Variants in IMMP2L observed in about 807,000 individuals in gnomAD.
IMMP2L encodes the protein mitochondrial inner membrane protease subunit 2.
A neutral mutation model predicts 19.3 loss-of-function variants in IMMP2L; 18 were observed. That is an observed-to-expected ratio of 0.93 (90% CI 0.64 to 1.38). The LOEUF (loss-of-function observed/expected upper bound fraction) is 1.38. IMMP2L is among the 40% of genes most tolerant of loss of function. The pLI is 0.00. For missense variants in IMMP2L, 233 were observed against 218.2 expected (o/e 1.07, Z -0.43); for synonymous variants, 76 against 73.0 (o/e 1.04, Z -0.21).
At chr7:110,949,575 A>C (rs1817585513) in intron 4 of IMMP2L, among the ~76,000 whole-genome samples, 1 of 152,076 alleles carries the variant, frequency 6.6e-6, no homozygotes, top group South Asian at 2.1e-4. Flanking sequence ...TTGTACATAA[A>C]CTTTTATTGG....
chr7:110,893,227 C>T (rs192738145), intron 4 of IMMP2L, among the ~76,000 whole-genome samples: 1 of 152,192 alleles, frequency 6.6e-6, no homozygotes, highest in East Asian at 1.9e-4. Context: ...TGCTGACAGA[C>T]ACACAAAACC....
chr7:111,036,708 TAAAA>T (rs1563181872), intron 3 of IMMP2L, among the ~76,000 whole-genome samples: 1 of 152,156 alleles, frequency 6.6e-6, no homozygotes, highest in Non-Finnish European at 1.5e-5. Context: ...ATTACTTGAT[TAAAA>T]AGCTGTTGAA....
chr7:111,065,382 T>C (rs1443230354), intron 3 of IMMP2L, among the ~76,000 whole-genome samples: 1 of 152,142 alleles, frequency 6.6e-6, no homozygotes, highest in African/African-American at 2.4e-5. Context: ...ATTTGAAGAT[T>C]AGGTATGATC....
At chr7:111,437,057 A>G (rs1837248068) in intron 3 of IMMP2L, among the ~76,000 whole-genome samples, 1 of 151,822 alleles carries the variant, frequency 6.6e-6, no homozygotes, top group East Asian at 1.9e-4. Context: ...TGGGGGTTAT[A>G]TTTCAACATG....
chr7:110,790,534 G>A (rs569056853), intron 5 of IMMP2L, among the ~76,000 whole-genome samples: 2 of 151,786 alleles, frequency 1.3e-5, no homozygotes, highest in East Asian at 1.9e-4. Context: ...GGTACCTAAG[G>A]TGGTCAGATA....
At chr7:110,819,630 C>T (rs1802850125) in intron 5 of IMMP2L, among the ~76,000 whole-genome samples, 1 of 151,960 alleles carries the variant, frequency 6.6e-6, no homozygotes, top group South Asian at 2.1e-4. Context: ...TTTCTTAAAC[C>T]ACACAGTATG....
chr7:111,042,992 T>C (rs778501105), intron 3 of IMMP2L, among the ~76,000 whole-genome samples: 15 of 152,030 alleles, frequency 9.9e-5, no homozygotes, highest in Non-Finnish European at 7.4e-5. Flanking sequence ...ATGTCAAAAG[T>C]GGATGGGGCA....
At chr7:111,538,072 C>T (rs1848055917) in intron 1 of IMMP2L, among the ~76,000 whole-genome samples, 1 of 152,082 alleles carries the variant, frequency 6.6e-6, no homozygotes. Context: ...CCTATGTGTT[C>T]CCATAAAACT....
intron 3 of IMMP2L, among the ~76,000 whole-genome samples, chr7:111,036,689 T>A (rs1791390540): frequency 6.6e-6 from 1 of 152,178 alleles, no homozygotes. Flanking sequence ...CATCTCTTTT[T>A]AAAATACTAT....
At chr7:111,298,364 T>C (rs1563027199) in intron 3 of IMMP2L, among the ~76,000 whole-genome samples, 1 of 152,192 alleles carries the variant, frequency 6.6e-6, no homozygotes, top group Non-Finnish European at 1.5e-5. Flanking sequence ...CACAGGGTTC[T>C]TGGGAGGATC....
chr7:110,887,387 C>T (rs1810330342), intron 4 of IMMP2L, among the ~76,000 whole-genome samples: 1 of 150,906 alleles, frequency 6.6e-6, no homozygotes, highest in African/African-American at 2.5e-5. Context: ...CTATCTCACG[C>T]AGTTTTTGTA....
chr7:110,826,933 T>C (rs1162377981), intron 5 of IMMP2L, among the ~76,000 whole-genome samples: 1 of 152,088 alleles, frequency 6.6e-6, no homozygotes, highest in Non-Finnish European at 1.5e-5. Context: ...CTGGTATGTA[T>C]TTTTTCTCAT....
At position 110,727,745 on chromosome 7, in the gene IMMP2L, T is replaced by C. The variant is rs1047160474; in HGVS notation, c.409-64024A>G. ...TCCGTATTCTTACCTCCGAAGCTAC[T>C]GTAGAGAGTATTATTATCTAAGAGA... On this transcript the variant is annotated intron_variant, in intron 5 of 5. Transcript: ENST00000405709. The surrounding 1 kb of genome is among the most constrained non-coding windows in gnomAD (Gnocchi z 4.3). 1.4e-4 allele frequency among the ~76,000 whole-genome samples: 21 copies of C among 152,218 alleles called. No homozygotes were observed. The highest frequency in any genetic ancestry group is 7.2e-4 in the Admixed American group (11 of 15,284).
chr7:110,831,067 A>C lies in IMMP2L; in HGVS notation c.408+55526T>G, dbSNP rs547200154. Reference sequence around the variant, plus strand: ...TCCAAGCTCATTTGGATTGCTGGACAAATTTAGCTCCACGTAGCTGAAGGA... The same window carrying C: ...TCCAAGCTCATTTGGATTGCTGGACCAATTTAGCTCCACGTAGCTGAAGGA... On this transcript the variant is annotated intron_variant, in intron 5 of 5. Transcript: ENST00000405709. 3.9e-5 allele frequency among the ~76,000 whole-genome samples: 6 copies of C among 152,208 alleles called. No homozygotes were observed. The South Asian group carries it at 6.2e-4, about 16-fold the overall frequency.
intron 3 of IMMP2L, among the ~76,000 whole-genome samples, chr7:111,403,465 A>ATTTT (rs1385890484): frequency 6.6e-6 from 1 of 151,532 alleles, no homozygotes; most frequent in African/African-American, 2.4e-5. Flanking sequence ...ATATATATAT[A>ATTTT]TTTTTAAACA....
At chr7:111,532,694 T>G (rs987231057) in intron 1 of IMMP2L, 3 of 152,218 alleles carry the variant, frequency 2.0e-5, no homozygotes, top group Middle Eastern at 3.4e-3. Flanking sequence ...TTACTACTCT[T>G]TACAAAATGA....
intron 3 of IMMP2L, among the ~76,000 whole-genome samples, chr7:111,035,992 T>C (rs141231417): frequency 6.6e-6 from 1 of 152,320 alleles, no homozygotes; most frequent in Non-Finnish European, 1.5e-5. Context: ...GATGAGCTAA[T>C]GAATGCAATG....
chr7:111,470,118 GA>G (rs1841096969), intron 3 of IMMP2L, among the ~76,000 whole-genome samples: 1 of 152,132 alleles, frequency 6.6e-6, no homozygotes, highest in Non-Finnish European at 1.5e-5. Context: ...AAAGACACAT[GA>G]AAAAATGCTC....
intron 5 of IMMP2L, among the ~76,000 whole-genome samples, chr7:110,806,919 C>T (rs986876604): frequency 1.3e-5 from 2 of 151,794 alleles, no homozygotes; most frequent in African/African-American, 2.4e-5. Context: ...CCAAATGACC[C>T]GACTGTGGTT....
Sources: allele counts gnomAD v4.1 joint callset (sites outside exome capture counted in the v4.1 genomes callset), GRCh38; gene constraint gnomAD v4.1.1; non-coding constraint Gnocchi (gnomAD v3.1); transcripts MANE v1.5; gene names NCBI Gene and HGNC (gene_info 2026-07-23, HGNC 2026-07-21).